RANBP2: variants seen among roughly 807,000 people sequenced by gnomAD.
RANBP2 encodes RAN binding protein 2, also known as E3 SUMO-protein ligase RanBP2.
Under a neutral mutation model 303.6 loss-of-function variants are expected in RANBP2, and 57 were observed. The observed-to-expected ratio is 0.19, with a 90% CI of 0.15 to 0.23. The LOEUF (loss-of-function observed/expected upper bound fraction) is 0.23. Among genes scored for constraint, RANBP2 ranks in the 10% least tolerant of loss-of-function variants. RANBP2 has a pLI of 1.00. For missense variants in RANBP2, 3,138 were observed against 3,780.8 expected, an observed-to-expected ratio of 0.83 and a Z score of 4.46; for synonymous variants, 1,167 against 1,301.5, an observed-to-expected ratio of 0.90 and a Z score of 2.23.
At chr2:108,812,545 C>T in the RANBP2 span, 1 of 941,964 alleles carries the variant, frequency 1.1e-6, no homozygotes, top group East Asian at 2.4e-5. Context: ...GTAATATCAA[C>T]CAGATTAGAT....
intron 26 of RANBP2, 33 bp from the exon 27 acceptor site, chr2:108,782,095 G>T (rs1265638152): frequency 1.2e-6 from 2 of 1,606,672 alleles, no homozygotes; most frequent in East Asian, 2.2e-5. Flanking sequence ...ATTATAAGCA[G>T]CAGCTTATAG....
At chr2:109,081,011 G>A in the RANBP2 span, among the ~76,000 whole-genome samples, 8 of 152,302 alleles carry the variant, frequency 5.3e-5, no homozygotes, top group East Asian at 9.7e-4. Flanking sequence ...CACTATGCTA[G>A]CTACCAGCCA....
the RANBP2 span, among the ~76,000 whole-genome samples, chr2:108,840,540 C>G: frequency 0.78 from 119,354 of 152,090 alleles, 47,650 homozygotes; most frequent in East Asian, 0.92. Flanking sequence ...TAATTCATAT[C>G]GATGATTTGT....
the RANBP2 span, among the ~76,000 whole-genome samples, chr2:109,316,007 A>G: frequency 6.6e-6 from 1 of 152,238 alleles, no homozygotes; most frequent in East Asian, 1.9e-4. Context: ...ATGTGCATGC[A>G]TCAGGGGCTT....
chr2:109,153,927 G>A, the RANBP2 span, among the ~76,000 whole-genome samples: 7 of 152,326 alleles, frequency 4.6e-5, 1 homozygote, highest in Admixed American at 2.6e-4. Flanking sequence ...AAAATGAAGT[G>A]CAATTATAAA....
At chr2:109,153,946 G>T in the RANBP2 span, among the ~76,000 whole-genome samples, 1 of 152,182 alleles carries the variant, frequency 6.6e-6, no homozygotes, top group South Asian at 2.1e-4. Context: ...AAATTATTAA[G>T]AATTTCATTA....
the RANBP2 span, among the ~76,000 whole-genome samples, chr2:108,808,987 A>G: frequency 2.6e-5 from 4 of 151,938 alleles, no homozygotes; most frequent in Non-Finnish European, 4.4e-5. Context: ...TTTTGGGTTG[A>G]TTTTTGTCTG....
the RANBP2 span, among the ~76,000 whole-genome samples, chr2:109,070,075 G>A: frequency 6.6e-6 from 1 of 152,212 alleles, no homozygotes; most frequent in South Asian, 2.1e-4. Flanking sequence ...GAGCCAGCCT[G>A]CGACGTGCTG....
At chr2:108,771,050 T>C (rs1156705182) in intron 20 of RANBP2, among the ~76,000 whole-genome samples, 1 of 152,102 alleles carries the variant, frequency 6.6e-6, no homozygotes, top group Non-Finnish European at 1.5e-5. Flanking sequence ...TCTTTCTAAT[T>C]TTTTGCCCTT....
chr2:109,157,189 A>T, the RANBP2 span, among the ~76,000 whole-genome samples: 1 of 152,096 alleles, frequency 6.6e-6, no homozygotes, highest in African/African-American at 2.4e-5. Context: ...GGATCATAGT[A>T]TTGACTGGGG....
intron 3 of RANBP2, 56 bp downstream of exon 3, chr2:108,730,941 G>A: frequency 6.3e-7 from 1 of 1,586,088 alleles, no homozygotes. Flanking sequence ...GATGCCCAGA[G>A]AAATTTATAT....
the RANBP2 span, among the ~76,000 whole-genome samples, chr2:109,733,569 A>G: frequency 6.6e-6 from 1 of 152,138 alleles, no homozygotes; most frequent in African/African-American, 2.4e-5. Flanking sequence ...CTAGCCAGAC[A>G]AGAAAAGTCG....
the RANBP2 span, among the ~76,000 whole-genome samples, chr2:109,327,491 T>TCAAGTA: frequency 0.08 from 12,167 of 152,220 alleles, 1,141 homozygotes; most frequent in African/African-American, 0.23. Flanking sequence ...AATCAATTTG[T>TCAAGTA]CAAGTACTTT....
the RANBP2 span, among the ~76,000 whole-genome samples, chr2:109,626,902 A>T: frequency 1.3e-5 from 2 of 152,174 alleles, no homozygotes; most frequent in African/African-American, 4.8e-5. Context: ...GGGTGTCCAT[A>T]ACGGTGTACA....
At chr2:108,723,959 A>C (rs1459248773) in intron 1 of RANBP2, among the ~76,000 whole-genome samples, 2 of 152,186 alleles carry the variant, frequency 1.3e-5, no homozygotes, top group Non-Finnish European at 2.9e-5. Flanking sequence ...TGACTTCTCC[A>C]ACCAGGATTG....
the RANBP2 span, among the ~76,000 whole-genome samples, chr2:109,343,283 A>G: frequency 2.0e-5 from 3 of 152,218 alleles, no homozygotes; most frequent in Admixed American, 2.0e-4. Flanking sequence ...GGTGTCACCC[A>G]TGTGAGCATT....
the RANBP2 span, among the ~76,000 whole-genome samples, chr2:109,100,119 A>G: frequency 6.6e-6 from 1 of 152,238 alleles, no homozygotes; most frequent in Non-Finnish European, 1.5e-5. Context: ...TAGATAGTTT[A>G]CATCTCATGC....
the RANBP2 span, among the ~76,000 whole-genome samples, chr2:108,832,013 G>A: frequency 9.9e-5 from 15 of 151,738 alleles, no homozygotes; most frequent in South Asian, 1.5e-3. Context: ...GATTACAAGC[G>A]TGAGCCACCA....
the RANBP2 span, among the ~76,000 whole-genome samples, chr2:108,795,137 GT>G: frequency 9.4e-6 from 1 of 106,076 alleles, no homozygotes. Context: ...CGGGTTTTTT[GT>G]TTCTAAAGTG....
Sources: gnomAD v4.1 joint callset for allele counts (sites outside exome capture counted in the v4.1 genomes callset) on GRCh38, gnomAD v4.1.1 for gene constraint, MANE v1.5 for transcripts, NCBI Gene and HGNC (gene_info 2026-07-23, HGNC 2026-07-21) for gene names.